Variants in BANP observed in about 807,000 individuals in gnomAD.
BANP encodes protein BANP.
A neutral mutation model predicts 68.1 loss-of-function variants in BANP; 11 were observed. The observed-to-expected ratio is 0.16, with a 90% CI of 0.10 to 0.27. The LOEUF is 0.27. Among genes scored for constraint, BANP ranks in the 10% least tolerant of loss-of-function variants. The pLI, the probability that BANP is intolerant of heterozygous loss-of-function variation, is 1.00. For missense variants in BANP, 504 were observed against 722.7 expected, an observed-to-expected ratio of 0.70 and a Z score of 3.47; for synonymous variants, 329 against 303.2, an observed-to-expected ratio of 1.09 and a Z score of -0.88.
intron 11 of BANP, among the ~76,000 whole-genome samples, chr16:88,056,751 A>G (rs2085145094): frequency 1.3e-5 from 2 of 152,180 alleles, no homozygotes; most frequent in Non-Finnish European, 2.9e-5. Flanking sequence ...ACCATTTTCA[A>G]ATATATATTT....
chr16:88,033,206 G>A lies in BANP; in HGVS notation c.1161G>A (p.Val387=), dbSNP rs761118913. 67 of 1,609,654 alleles carry A rather than the reference G, an allele frequency of 4.2e-5. 1 individual carries two copies. Among genetic ancestry groups the A allele is most frequent in the Middle Eastern group, 1.6e-4 (1 of 6,062 alleles). ...ACGCGCTGGCCAACGCACAGCAGGT[G>A]CAGATCCACCAGATCGGAGAAGACG... The part of the protein sequence containing the change: ...LHYALANAQQ[V]QIHQIGEDGQ... Residue 387 remains valine (V), a synonymous_variant, in exon 9 of 14, where the codon GTG becomes GTA. Coordinates refer to ENST00000682872, the MANE Select transcript of BANP (RefSeq NM_001386991.1).
chr16:88,026,551 GT>G (rs1375069701), intron 7 of BANP, among the ~76,000 whole-genome samples: 1 of 152,230 alleles, frequency 6.6e-6, no homozygotes, highest in African/African-American at 2.4e-5. Context: ...TCCAAACTGT[GT>G]TTGCGAGGGG....
At chr16:88,020,698 C>G (rs1299909913) in intron 7 of BANP, among the ~76,000 whole-genome samples, 6 of 152,202 alleles carry the variant, frequency 3.9e-5, no homozygotes, top group African/African-American at 1.4e-4. Context: ...GGGCTGGGCC[C>G]TGTTCCCAGG....
chr16:87,993,568 T>C (rs952609358), intron 4 of BANP, among the ~76,000 whole-genome samples: 2 of 152,114 alleles, frequency 1.3e-5, no homozygotes, highest in African/African-American at 4.8e-5. Flanking sequence ...TCCCTCTTCA[T>C]TGTAGGTGTT....
chr16:87,968,586 C>A (rs990803611), intron 1 of BANP, among the ~76,000 whole-genome samples: 7 of 152,002 alleles, frequency 4.6e-5, no homozygotes, highest in African/African-American at 7.2e-5. Flanking sequence ...TAGCTTTGAT[C>A]TTCAAGCTGA....
At chr16:87,996,302 A>G (rs1458879083) in intron 4 of BANP, among the ~76,000 whole-genome samples, 1 of 152,100 alleles carries the variant, frequency 6.6e-6, no homozygotes, top group East Asian at 1.9e-4. Context: ...TTAGTTGGAG[A>G]TGGCTTCCGA....
rs750345947 is a variant in BANP, at chr16:88,076,713, C to T, written c.*52C>T. On this transcript the variant is annotated 3_prime_UTR_variant, in exon 14 of 14. Coordinates refer to ENST00000682872, the MANE Select transcript of BANP (RefSeq NM_001386991.1). The stretch of plus-strand genomic sequence containing the variant: ...TCGCCGGCTCCGCCTACGGCCCGGC[C>T]CCCACGCGCCCTGCTCTCACGGCCT... The T allele has an allele frequency of 6.4e-5, 95 of 1,477,286 alleles. No homozygotes were observed. The African/African-American group carries it at 9.7e-4, about 15-fold the overall frequency. The allele number at this position is 1,477,286 out of a possible 1,614,324, so 91.5% of individuals were successfully genotyped here.
chr16:87,974,481 A>G (rs2061666740), intron 1 of BANP, among the ~76,000 whole-genome samples: 1 of 152,210 alleles, frequency 6.6e-6, no homozygotes, highest in Non-Finnish European at 1.5e-5. Flanking sequence ...GAAAGAAAGC[A>G]GAACAGAGGT....
At chr16:87,990,401 T>C (rs7191581) in intron 4 of BANP, among the ~76,000 whole-genome samples, 98,498 of 152,034 alleles carry the variant, frequency 0.65, 32,472 homozygotes, top group African/African-American at 0.74. Context: ...CAGAACTGAC[T>C]GTTGACCCGT....
intron 2 of BANP, among the ~76,000 whole-genome samples, chr16:87,976,428 CTCT>C (rs1020663265): frequency 1.3e-5 from 2 of 148,830 alleles, no homozygotes; most frequent in African/African-American, 5.0e-5. Flanking sequence ...GGAACTTCAT[CTCT>C]TCATCTGTGA....
rs2058397561 is a variant in BANP, at chr16:87,957,847, C to T, written c.-69+6332C>T. 6.6e-6 allele frequency among the ~76,000 whole-genome samples: 1 copy of T among 152,068 alleles called. No individual in the cohort carries two copies. On this transcript the variant is annotated intron_variant, in intron 1 of 13. Transcript: ENST00000682872. This position sits in a 1 kb window ranked among gnomAD's most constrained non-coding sequence, Gnocchi z 4.3. Reference sequence around the variant, plus strand: ...CTGTCATCATGGCATGCTGCAAGCTCTGTGGGCGCTGGTGGCCAGGATGCG... The same window carrying T: ...CTGTCATCATGGCATGCTGCAAGCTTTGTGGGCGCTGGTGGCCAGGATGCG...
chr16:88,055,331 G>C (rs2084738006), intron 11 of BANP, among the ~76,000 whole-genome samples: 1 of 151,510 alleles, frequency 6.6e-6, no homozygotes, highest in Admixed American at 6.6e-5. Flanking sequence ...ACGTACACAT[G>C]ACGCGTGTAC....
chr16:88,042,304 C>T (rs1340630322), intron 11 of BANP, among the ~76,000 whole-genome samples: 2 of 152,314 alleles, frequency 1.3e-5, no homozygotes, highest in East Asian at 1.9e-4. Flanking sequence ...GGGACGGTGG[C>T]GGGTGCGCAG....
chr16:87,967,426 G>A (rs2060238820), intron 1 of BANP, among the ~76,000 whole-genome samples: 5 of 151,576 alleles, frequency 3.3e-5, no homozygotes. Context: ...TAATTTAATT[G>A]TACATTTTAT....
chr16:87,978,311 CTT>C (rs1283142028), intron 2 of BANP: 1 of 224,624 alleles, frequency 4.5e-6, no homozygotes, highest in East Asian at 1.1e-4. Context: ...GCACGCCTCT[CTT>C]CTGCTGTTAT....
At position 87,962,325 on chromosome 16, in the gene BANP, C is replaced by T. The variant is rs138946179; in HGVS notation, c.-69+10810C>T. On this transcript the variant is annotated intron_variant, in intron 1 of 13. Coordinates refer to ENST00000682872, the MANE Select transcript of BANP (RefSeq NM_001386991.1). ...GATACTCAGTTATAGCAACAGAAAA[C>T]GGAGTAAGACAGCGTTAATATGTAA... 3.5e-3 allele frequency among the ~76,000 whole-genome samples: 512 copies of T among 148,026 alleles called. 4 individuals are homozygous for T. The highest frequency in any genetic ancestry group is 0.012 in the African/African-American group (488 of 39,846).
rs1240025827 is a variant in BANP, at chr16:87,957,046, T to C, written c.-69+5531T>C. ...TGTGCCGAGATACTGTGAAGTCACA[T>C]GAACTTGATTCCTGTTGGAAAGAAC... is the stretch of plus-strand genomic sequence containing the variant. On this transcript the variant is annotated intron_variant, in intron 1 of 13. Transcript: ENST00000682872. The surrounding 1 kb of genome is among the most constrained non-coding windows in gnomAD (Gnocchi z 4.3). 1 of 152,150 alleles carries C rather than the reference T, an allele frequency of 6.6e-6. No individual in the cohort carries two copies. Among genetic ancestry groups the C allele is most frequent in the Non-Finnish European group, 1.5e-5 (1 of 68,056 alleles). 9.4% of individuals were successfully genotyped at this position (152,150 alleles called of 1,614,324 possible).
chr16:88,058,351 G>A (rs1460080242), intron 11 of BANP, among the ~76,000 whole-genome samples: 3 of 152,216 alleles, frequency 2.0e-5, no homozygotes, highest in Non-Finnish European at 2.9e-5. Flanking sequence ...GGGACGTGCT[G>A]ATGTCAGGCG....
chr16:88,035,094 G>A (rs1423691862), intron 9 of BANP: 6 of 533,992 alleles, frequency 1.1e-5, no homozygotes, highest in Non-Finnish European at 2.0e-5. Context: ...TGGCGTCCAC[G>A]TGGTGGGGGT....
Sources: gnomAD v4.1 joint callset for allele counts (sites outside exome capture counted in the v4.1 genomes callset) on GRCh38, gnomAD v4.1.1 for gene constraint, Gnocchi (gnomAD v3.1) non-coding constraint, MANE v1.5 for transcripts, NCBI Gene and HGNC (gene_info 2026-07-23, HGNC 2026-07-21) for gene names.